Variants in NLN observed in about 807,000 individuals in gnomAD.
NLN encodes the protein neurolysin, also known as neurolysin, mitochondrial.
NLN carries 64 observed loss-of-function variants against 79.9 expected under a neutral mutation model. That is an observed-to-expected ratio of 0.80 (90% CI 0.65 to 0.99). NLN has a LOEUF of 0.99. Among genes scored for constraint, NLN ranks in the 50% least tolerant of loss-of-function variants. The pLI, the probability that NLN is intolerant of heterozygous loss-of-function variation, is 0.00. For missense variants in NLN, 835 were observed against 858.7 expected, an observed-to-expected ratio of 0.97 and a Z score of 0.34; for synonymous variants, 267 against 296.6, an observed-to-expected ratio of 0.90 and a Z score of 1.02.
At chr5:65,759,956 C>T (rs1472134492) in intron 2 of NLN, among the ~76,000 whole-genome samples, 1 of 152,080 alleles carries the variant, frequency 6.6e-6, no homozygotes, top group African/African-American at 2.4e-5. Flanking sequence ...CCTTTGGTTA[C>T]CTCTAAGGGT....
chr5:65,725,027 G>T lies in NLN; in HGVS notation c.41+2613G>T, dbSNP rs181713597. Among the ~76,000 whole-genome samples the T allele has an allele frequency of 3.8e-3, 575 of 151,750 alleles. 2 individuals are homozygous for T. Among genetic ancestry groups the T allele is most frequent in the Non-Finnish European group, 5.9e-3 (400 of 67,930 alleles). On this transcript the variant is annotated intron_variant, in intron 1 of 12. Coordinates refer to ENST00000380985, the MANE Select transcript of NLN (RefSeq NM_020726.5). ...TCATCCTGTTAGCCAGGATGGTCTC[G>T]ATCTCCTGACCTCGTGATCCGCCTG...
chr5:65,800,972 C>T (rs1209150695), intron 9 of NLN, among the ~76,000 whole-genome samples: 1 of 152,112 alleles, frequency 6.6e-6, no homozygotes, highest in Non-Finnish European at 1.5e-5. Flanking sequence ...GAATTACAGG[C>T]ATGAGCCACT....
intron 9 of NLN, among the ~76,000 whole-genome samples, chr5:65,794,980 C>T (rs1315617225): frequency 2.0e-5 from 3 of 152,160 alleles, no homozygotes; most frequent in Non-Finnish European, 4.4e-5. Context: ...CTGATATGGC[C>T]ATTTTTAATC....
chr5:65,783,377 GGTGTGGCTTTCA>G (rs567988954), intron 6 of NLN, among the ~76,000 whole-genome samples: 16 of 152,104 alleles, frequency 1.1e-4, no homozygotes, highest in South Asian at 4.1e-4. Flanking sequence ...CCATCCTCAG[GGTGTGGCTTTCA>G]GGGTCATTGA....
rs1758321699 is a variant in NLN, at chr5:65,722,277, C to T, written c.-97C>T. 7 of 936,382 alleles carry T rather than the reference C, an allele frequency of 7.5e-6. No homozygotes were observed. The highest frequency in any genetic ancestry group is 1.1e-5 in the Non-Finnish European group (7 of 658,252). The allele number at this position is 936,382 out of a possible 1,614,324, so 58.0% of individuals were successfully genotyped here. A position where few individuals can be genotyped will look rare whatever the true frequency, so the allele number is the denominator to read the frequency against. On this transcript the variant is annotated 5_prime_UTR_variant, in exon 1 of 13. Coordinates refer to ENST00000380985, the MANE Select transcript of NLN (RefSeq NM_020726.5). Reference sequence around the variant, plus strand: ...GCCACTGTGGCCTCTGCGGCTAGGCCGGCTCGAGACTCCCGGGCGCCCAGG... The same window carrying T: ...GCCACTGTGGCCTCTGCGGCTAGGCTGGCTCGAGACTCCCGGGCGCCCAGG...
At chr5:65,818,743 T>G (rs1673913477) in intron 12 of NLN, 1 of 152,388 alleles carries the variant, frequency 6.6e-6, no homozygotes, top group Admixed American at 6.5e-5. Context: ...AGGTGCCTGA[T>G]CGTCATCCCC....
At chr5:65,722,647 C>T (rs929398185) in intron 1 of NLN, 14 of 520,446 alleles carry the variant, frequency 2.7e-5, no homozygotes, top group Non-Finnish European at 4.1e-5. Context: ...TTGTTTGGGA[C>T]TGCCTCAGCC....
chr5:65,785,980 A>C (rs1011611780), intron 7 of NLN, 70 bp downstream of exon 7: 11 of 1,382,774 alleles, frequency 8.0e-6, no homozygotes, highest in African/African-American at 1.4e-5. Context: ...GCCTCAGAAC[A>C]TAATATGCCT....
chr5:65,724,327 TATA>T (rs1193112221), intron 1 of NLN, among the ~76,000 whole-genome samples: 2 of 152,182 alleles, frequency 1.3e-5, no homozygotes, highest in Non-Finnish European at 2.9e-5. Context: ...TCAGGTCCCT[TATA>T]TAAGTGGAAT....
intron 12 of NLN, among the ~76,000 whole-genome samples, chr5:65,814,920 T>TA (rs1273018025): frequency 1.3e-5 from 2 of 152,038 alleles, no homozygotes; most frequent in East Asian, 1.9e-4. Context: ...AAGTGTGTTT[T>TA]AAAAAAAAGT....
chr5:65,812,839 G>A (rs2150775362), intron 12 of NLN, among the ~76,000 whole-genome samples: 1 of 152,214 alleles, frequency 6.6e-6, no homozygotes, highest in South Asian at 2.1e-4. Flanking sequence ...TGGCTGGCAT[G>A]CCCCACCCAC....
intron 1 of NLN, among the ~76,000 whole-genome samples, chr5:65,738,270 A>T (rs892606470): frequency 6.6e-6 from 1 of 152,020 alleles, no homozygotes; most frequent in Non-Finnish European, 1.5e-5. Context: ...CAGGGAAAAG[A>T]TATTACTTCC....
In NLN at chr5:65,823,201, A is replaced by C; in HGVS notation, c.*286A>C. 1 of 289,622 alleles carries C rather than the reference A, an allele frequency of 3.5e-6. No homozygotes were observed. The highest frequency in any genetic ancestry group is 1.2e-3 in the Middle Eastern group (1 of 864). 17.9% of individuals were successfully genotyped at this position (289,622 alleles called of 1,614,324 possible). A position where few individuals can be genotyped will look rare whatever the true frequency, so the allele number is the denominator to read the frequency against. On this transcript the variant is annotated 3_prime_UTR_variant, in exon 13 of 13. Coordinates refer to ENST00000380985, the MANE Select transcript of NLN (RefSeq NM_020726.5). ...ATGTAACTTGATTTTTTACTATTAT[A>C]ATCTAGATAATATGATATAAGAGGG...
At chr5:65,780,428 C>T in intron 5 of NLN, 147 bp downstream of exon 5, 1 of 515,276 alleles carries the variant, frequency 1.9e-6, no homozygotes, top group South Asian at 3.1e-5. Context: ...AGTCCACCAC[C>T]CCTTCTACAG....
At chr5:65,810,999 G>T (rs371579749) in intron 11 of NLN, among the ~76,000 whole-genome samples, 6 of 152,206 alleles carry the variant, frequency 3.9e-5, no homozygotes, top group African/African-American at 1.2e-4. Context: ...AAGGGTATTT[G>T]GGGGGAGAAG....
At chr5:65,726,437 A>G (rs1180826648) in intron 1 of NLN, among the ~76,000 whole-genome samples, 1 of 152,360 alleles carries the variant, frequency 6.6e-6, no homozygotes, top group African/African-American at 2.4e-5. Context: ...AAGTACCAAC[A>G]GTATTATCCA....
chr5:65,820,106 GCTTC>G (rs1289354147), intron 12 of NLN, among the ~76,000 whole-genome samples: 1 of 152,122 alleles, frequency 6.6e-6, no homozygotes, highest in Non-Finnish European at 1.5e-5. Context: ...CTCCTCAAAT[GCTTC>G]CTTTTCTTTA....
chr5:65,808,683 T>A lies in NLN; in HGVS notation c.1528-832T>A, dbSNP rs1053529951. The stretch of plus-strand genomic sequence containing the variant: ...TTTAAACCTCTTTTGTTTTTTTAAC[T>A]CTTAGCTCAGGCCTTCAGAATAGGT... On this transcript the variant is annotated intron_variant, in intron 9 of 12. Transcript: ENST00000380985. Among the ~76,000 whole-genome samples the A allele has an allele frequency of 3.9e-5, 6 of 152,246 alleles. 1 individual carries two copies. The highest frequency in any genetic ancestry group is 2.9e-5 in the Non-Finnish European group (2 of 68,042).
intron 1 of NLN, among the ~76,000 whole-genome samples, chr5:65,725,620 AG>A (rs1202038501): frequency 1.3e-5 from 2 of 152,230 alleles, no homozygotes; most frequent in African/African-American, 4.8e-5. Context: ...GAAGCTGTCA[AG>A]CTCACAGTGG....
Sources: gnomAD v4.1 joint callset for allele counts (sites outside exome capture counted in the v4.1 genomes callset) on GRCh38, gnomAD v4.1.1 for gene constraint, MANE v1.5 for transcripts, NCBI Gene and HGNC (gene_info 2026-07-23, HGNC 2026-07-21) for gene names.